TSPAN33: variants seen among roughly 807,000 people sequenced by gnomAD.
The protein encoded by TSPAN33 is tetraspanin 33.
A neutral mutation model predicts 34.8 loss-of-function variants in TSPAN33; 27 were observed. That is an observed-to-expected ratio of 0.78 (90% CI 0.57 to 1.07). The LOEUF (loss-of-function observed/expected upper bound fraction) is 1.07. Ranked by LOEUF, TSPAN33 falls within the 50% of genes least tolerant of loss-of-function variation. The pLI is 0.00. For missense variants in TSPAN33, 272 were observed against 324.9 expected, an observed-to-expected ratio of 0.84 and a Z score of 1.25; for synonymous variants, 119 against 124.2, an observed-to-expected ratio of 0.96 and a Z score of 0.28.
chr7:129,159,134 C>A (rs1273262133), intron 1 of TSPAN33, among the ~76,000 whole-genome samples: 1 of 151,802 alleles, frequency 6.6e-6, no homozygotes, highest in Non-Finnish European at 1.5e-5. Context: ...GATCTCGGCT[C>A]ACTGCAACCT....
intron 1 of TSPAN33, among the ~76,000 whole-genome samples, chr7:129,157,546 G>A (rs1175572814): frequency 6.6e-6 from 1 of 152,046 alleles, no homozygotes. Context: ...TATTCTTTAG[G>A]CTTGTAGGTT....
chr7:129,148,997 C>T lies in TSPAN33; in HGVS notation c.102+3915C>T, dbSNP rs754714229. ...CAGGGGCCCTTTCTGCCATCCAACCCCCTCATCCTATACTTCCAAATACAC... is the reference window on the plus strand; with the variant it reads ...CAGGGGCCCTTTCTGCCATCCAACCTCCTCATCCTATACTTCCAAATACAC... On this transcript the variant is annotated intron_variant, in intron 1 of 7. Transcript: ENST00000486685. The surrounding 1 kb of genome is among the most constrained non-coding windows in gnomAD (Gnocchi z 4.2). Among the ~76,000 whole-genome samples the T allele has an allele frequency of 2.6e-5, 4 of 152,080 alleles. No individual in the cohort carries two copies. Among genetic ancestry groups the T allele is most frequent in the African/African-American group, 4.8e-5 (2 of 41,414 alleles).
At chr7:129,149,895 A>G (rs1220846046) in intron 1 of TSPAN33, among the ~76,000 whole-genome samples, 1 of 152,222 alleles carries the variant, frequency 6.6e-6, no homozygotes, top group Non-Finnish European at 1.5e-5. Context: ...GAGCACAGAA[A>G]GACCAGTATG....
Position 129,167,335 on chromosome 7 carries a change from T to C in TSPAN33, c.589-64T>C, listed in dbSNP as rs1793157797. 1.3e-6 allele frequency: 2 copies of C among 1,554,856 alleles called. No individual in the cohort carries two copies. Among genetic ancestry groups the C allele is most frequent in the East Asian group, 4.5e-5 (2 of 44,160 alleles). On this transcript the variant is annotated intron_variant, in intron 6 of 7. Transcript: ENST00000486685. The surrounding 1 kb of genome is among the most constrained non-coding windows in gnomAD (Gnocchi z 4.6). Reference sequence around the variant, plus strand: ...TGGGAAGGGTGGGAAGCCCATCAGCTAAGGCCCCAAACAAAAAGTTATTGG... The same window carrying C: ...TGGGAAGGGTGGGAAGCCCATCAGCCAAGGCCCCAAACAAAAAGTTATTGG...
rs1163284297 is a variant in TSPAN33, at chr7:129,144,825, C to G, written c.-156C>G. 6.8e-6 allele frequency: 1 copy of G among 147,818 alleles called. No homozygotes were observed. Among genetic ancestry groups the G allele is most frequent in the African/African-American group, 2.5e-5 (1 of 40,812 alleles). The allele number at this position is 147,818 out of a possible 1,614,324, so 9.2% of individuals were successfully genotyped here. A position where few individuals can be genotyped will look rare whatever the true frequency, so the allele number is the denominator to read the frequency against. On this transcript the variant is annotated 5_prime_UTR_variant, in exon 1 of 8. Transcript: ENST00000486685. ...TTCCCCGGCCCGCGCCGCTCCCGGC[C>G]CCCCGGCTCGGGCGCCTCCCGCCGC...
At chr7:129,150,153 C>T (rs1810573938) in intron 1 of TSPAN33, among the ~76,000 whole-genome samples, 1 of 152,100 alleles carries the variant, frequency 6.6e-6, no homozygotes, top group African/African-American at 2.4e-5. Flanking sequence ...GGTGCGGGCC[C>T]TGAGACAGTG....
At position 129,162,927 on chromosome 7, in the gene TSPAN33, G is replaced by A. The variant is rs1793074830; in HGVS notation, c.363+20G>A. On this transcript the variant is annotated intron_variant, in intron 4 of 7. Transcript: ENST00000486685. ...GACAAGGTAACACTGGGAGCCAGGA[G>A]GCCTCCTCAGGTGTGACCCAGAGGG... 1.2e-6 allele frequency: 2 copies of A among 1,612,074 alleles called. No homozygotes were observed. The highest frequency in any genetic ancestry group is 1.7e-6 in the Non-Finnish European group (2 of 1,178,884).
chr7:129,152,287 G>A (rs56953963), intron 1 of TSPAN33, among the ~76,000 whole-genome samples: 25,851 of 152,198 alleles, frequency 0.17, 2,373 homozygotes, highest in Admixed American at 0.25. Flanking sequence ...AATGTTCATA[G>A]CAATACTATC....
Position 129,162,524 on chromosome 7 carries a change from G to A in TSPAN33, c.288+3G>A. The A allele has an allele frequency of 6.2e-7, 1 of 1,611,974 alleles. No individual in the cohort carries two copies. The highest frequency in any genetic ancestry group is 1.3e-5 in the African/African-American group (1 of 75,044). On this transcript the variant is annotated splice_donor_region_variant and intron_variant, in intron 3 of 7. Coordinates refer to ENST00000486685, the MANE Select transcript of TSPAN33 (RefSeq NM_178562.5). ...AGAACATCTGCCTCCTGCAGACGGT[G>A]AGTGGTCAAGGCCCCACTGGAAAGA...
chr7:129,150,150 G>T (rs1009377422), intron 1 of TSPAN33, among the ~76,000 whole-genome samples: 1 of 152,030 alleles, frequency 6.6e-6, no homozygotes, highest in Admixed American at 6.5e-5. Context: ...GGGGGTGCGG[G>T]CCCTGAGACA....
Position 129,164,523 on chromosome 7 carries a change from G to A in TSPAN33, c.413G>A (p.Arg138Gln), listed in dbSNP as rs139146581. The A allele has an allele frequency of 2.4e-5, 38 of 1,613,916 alleles. No homozygotes were observed. The highest frequency in any genetic ancestry group is 1.1e-4 in the South Asian group (10 of 91,068). ...ATCAACAATGCCATTGTGCACTACC[G>A]AGATGACTTGGATCTGCAGAACCTC... ...EIINNAIVHYRDDLDLQNLID... is the reference protein window; with the variant it reads ...EIINNAIVHYQDDLDLQNLID... The change falls in exon 5 of 8, where the codon CGA becomes CAA. Residue 138 changes from arginine to glutamine, a missense_variant. Physicochemically the swap from Arg to Gln is conservative, Grantham distance 43. Coordinates refer to ENST00000486685, the MANE Select transcript of TSPAN33 (RefSeq NM_178562.5).
At chr7:129,151,231 A>G (rs1177776978) in intron 1 of TSPAN33, among the ~76,000 whole-genome samples, 1 of 152,136 alleles carries the variant, frequency 6.6e-6, no homozygotes, top group African/African-American at 2.4e-5. Context: ...GGTTCAAGCA[A>G]TCGTCCCACC....
chr7:129,167,033 T>A lies in TSPAN33; in HGVS notation c.588+127T>A. ...TCAGTCATGTGGGACAGCTGTCAGG[T>A]GTTTTTCTTCACCCCAACCTGATGC... On this transcript the variant is annotated intron_variant, in intron 6 of 7. Coordinates refer to ENST00000486685, the MANE Select transcript of TSPAN33 (RefSeq NM_178562.5). The surrounding 1 kb of genome is among the most constrained non-coding windows in gnomAD (Gnocchi z 4.6). 1 of 1,188,520 alleles carries A rather than the reference T, an allele frequency of 8.4e-7. No homozygotes were observed. Among genetic ancestry groups the A allele is most frequent in the Non-Finnish European group, 1.2e-6 (1 of 843,754 alleles). 73.6% of individuals were successfully genotyped at this position (1,188,520 alleles called of 1,614,324 possible).
In TSPAN33 at chr7:129,168,393, A is replaced by ATCCC. The variant is rs1201341667; in HGVS notation, c.*519_*520insTCCC. ...GAGAGAGCCTGGGGGTCGGCTGGGG[A>ATCCC]CAGCCGTATGTGCTAGGTAGGAGTG... is the stretch of plus-strand genomic sequence containing the variant. On this transcript the variant is annotated 3_prime_UTR_variant, in exon 8 of 8. Coordinates refer to ENST00000486685, the MANE Select transcript of TSPAN33 (RefSeq NM_178562.5). 1.9e-5 allele frequency: 3 copies of ATCCC among 159,214 alleles called. No homozygotes were observed. Among genetic ancestry groups the ATCCC allele is most frequent in the African/African-American group, 2.4e-5 (1 of 41,570 alleles). 9.9% of individuals were successfully genotyped at this position (159,214 alleles called of 1,614,324 possible). A position where few individuals can be genotyped will look rare whatever the true frequency, so the allele number is the denominator to read the frequency against.
At chr7:129,159,598 T>C (rs1793019352) in intron 1 of TSPAN33, among the ~76,000 whole-genome samples, 1 of 152,146 alleles carries the variant, frequency 6.6e-6, no homozygotes, top group African/African-American at 2.4e-5. Context: ...AAAATGACAC[T>C]CAGAACTGTA....
chr7:129,156,260 C>CATCAT (rs900763743), intron 1 of TSPAN33, among the ~76,000 whole-genome samples: 1 of 152,174 alleles, frequency 6.6e-6, no homozygotes, highest in Non-Finnish European at 1.5e-5. Context: ...CATCACATCA[C>CATCAT]ATCATATCAT....
Position 129,162,886 on chromosome 7 carries a change from G to A in TSPAN33, c.342G>A (p.Leu114=), listed in dbSNP as rs151232185. The change falls in exon 4 of 8, where the codon CTG becomes CTA. Residue 114 remains leucine, a synonymous_variant. Transcript: ENST00000486685. The part of the protein sequence containing the change: ...VFLLQLAAGI[L]GFVFSDKARG... ...TGCTGCAGCTGGCCGCTGGGATCCT[G>A]GGCTTCGTCTTCTCAGACAAGGTAA... 6.2e-7 allele frequency: 1 copy of A among 1,613,784 alleles called. No homozygotes were observed. Among genetic ancestry groups the A allele is most frequent in the African/African-American group, 1.3e-5 (1 of 74,936 alleles).
intron 1 of TSPAN33, among the ~76,000 whole-genome samples, chr7:129,157,981 C>T (rs137944513): frequency 2.1e-4 from 32 of 152,338 alleles, no homozygotes; most frequent in African/African-American, 7.5e-4. Flanking sequence ...AAACAGATCT[C>T]GCTGGGCTAA....
chr7:129,154,330 G>C (rs981854629), intron 1 of TSPAN33, among the ~76,000 whole-genome samples: 1 of 151,840 alleles, frequency 6.6e-6, no homozygotes, highest in Admixed American at 6.6e-5. Context: ...GTCTGTTGGT[G>C]GGGGGAAGAA....
Sources: gnomAD v4.1 joint callset for allele counts (sites outside exome capture counted in the v4.1 genomes callset) on GRCh38, gnomAD v4.1.1 for gene constraint, Gnocchi (gnomAD v3.1) non-coding constraint, MANE v1.5 for transcripts, NCBI Gene and HGNC (gene_info 2026-07-23, HGNC 2026-07-21) for gene names.